Variants in NRXN3 observed in about 807,000 individuals in gnomAD.
NRXN3 encodes the protein neurexin 3, also known as neurexin III.
Under a neutral mutation model 137.6 loss-of-function variants are expected in NRXN3, and 32 were observed. That is an observed-to-expected ratio of 0.23 (90% CI 0.18 to 0.31). NRXN3 has a LOEUF of 0.31. Among genes scored for constraint, NRXN3 ranks in the 10% least tolerant of loss-of-function variants. The pLI, the probability that NRXN3 is intolerant of heterozygous loss-of-function variation, is 1.00. For synonymous variants in NRXN3, 798 were observed against 784.5 expected (o/e 1.02, Z -0.29); for missense variants, 1,574 against 2,062.5 (o/e 0.76, Z 4.59).
At chr14:79,212,096 AC>A (rs1442262453) in intron 15 of NRXN3, among the ~76,000 whole-genome samples, 2 of 152,206 alleles carry the variant, frequency 1.3e-5, no homozygotes, top group African/African-American at 4.8e-5. Flanking sequence ...GGCAAAGGGA[AC>A]AAGTATGATA....
intron 8 of NRXN3, among the ~76,000 whole-genome samples, chr14:78,752,284 G>T (rs1162772446): frequency 6.6e-6 from 1 of 152,144 alleles, no homozygotes; most frequent in East Asian, 1.9e-4. Context: ...GGGTATGGTG[G>T]CACATGCCCA....
chr14:79,731,882 C>T (rs943746886), intron 19 of NRXN3, among the ~76,000 whole-genome samples: 14 of 151,308 alleles, frequency 9.3e-5, no homozygotes, highest in Admixed American at 2.0e-4. Context: ...CTTGACCATC[C>T]GATTTCACTT....
At chr14:78,285,746 G>T (rs1005253021) in intron 3 of NRXN3, among the ~76,000 whole-genome samples, 1 of 152,228 alleles carries the variant, frequency 6.6e-6, no homozygotes, top group African/African-American at 2.4e-5. Flanking sequence ...TTTTATTGGG[G>T]TTCACCCTGA....
intron 16 of NRXN3, among the ~76,000 whole-genome samples, chr14:79,586,398 T>A (rs569296324): frequency 1.3e-5 from 2 of 152,334 alleles, no homozygotes; most frequent in East Asian, 3.9e-4. Context: ...TTTGTTTTTG[T>A]TTTCTTTATT....
intron 15 of NRXN3, among the ~76,000 whole-genome samples, chr14:79,151,580 G>A (rs955049264): frequency 1.1e-4 from 17 of 152,048 alleles, no homozygotes; most frequent in African/African-American, 4.1e-4. Context: ...ATTGCTCAAG[G>A]AGCTGAGATA....
intron 19 of NRXN3, among the ~76,000 whole-genome samples, chr14:79,761,684 CAAAAAAAAAAAAAAA>C (rs10599873): frequency 2.5e-5 from 2 of 78,880 alleles, no homozygotes; most frequent in African/African-American, 5.3e-5. Flanking sequence ...GACTCTGTCT[CAAAAAAAAAAAAAAA>C]AAAAAAAAAA....
At chr14:79,079,967 GAC>G in intron 15 of NRXN3, among the ~76,000 whole-genome samples, 1 of 152,262 alleles carries the variant, frequency 6.6e-6, no homozygotes, top group East Asian at 1.9e-4. Context: ...CAGCCTGGGA[GAC>G]AGAGTGAGAC....
chr14:78,246,352 A>G (rs1360091736), intron 2 of NRXN3, among the ~76,000 whole-genome samples: 1 of 152,154 alleles, frequency 6.6e-6, no homozygotes, highest in Non-Finnish European at 1.5e-5. Context: ...TAATAGCTAA[A>G]TGCAATATGT....
At chr14:78,943,105 A>G (rs2099356302) in intron 10 of NRXN3, among the ~76,000 whole-genome samples, 1 of 152,104 alleles carries the variant, frequency 6.6e-6, no homozygotes, top group Non-Finnish European at 1.5e-5. Flanking sequence ...GGAGCAACAC[A>G]TGTGTAGAGA....
intron 15 of NRXN3, among the ~76,000 whole-genome samples, chr14:79,027,485 G>A (rs964830754): frequency 3.3e-5 from 5 of 152,126 alleles, no homozygotes; most frequent in African/African-American, 1.2e-4. Context: ...TAAAGAATCT[G>A]TTACTTCGAG....
At chr14:79,018,260 CAAAAAAAAAAAAAAAAAAAAAA>C (rs1163466834) in intron 15 of NRXN3, among the ~76,000 whole-genome samples, 29 of 23,146 alleles carry the variant, frequency 1.3e-3, no homozygotes, top group South Asian at 7.9e-3. Flanking sequence ...AACTCTGTCT[CAAAAAAAAAAAAAAAAAAAAAA>C]AAAAAAAAAA....
At chr14:78,328,501 C>T (rs971170252) in intron 4 of NRXN3, among the ~76,000 whole-genome samples, 1 of 152,088 alleles carries the variant, frequency 6.6e-6, no homozygotes, top group Admixed American at 6.6e-5. Context: ...AAAAATGAAA[C>T]AAGAGCTTGT....
chr14:78,453,213 A>G (rs1353266650), intron 4 of NRXN3, among the ~76,000 whole-genome samples: 1 of 152,204 alleles, frequency 6.6e-6, no homozygotes, highest in Non-Finnish European at 1.5e-5. Context: ...GGGCATTGAT[A>G]GTGTTTAAAG....
chr14:79,063,015 G>A (rs2099676118), intron 15 of NRXN3, among the ~76,000 whole-genome samples: 1 of 152,114 alleles, frequency 6.6e-6, no homozygotes, highest in South Asian at 2.1e-4. Context: ...GATAATTTAG[G>A]TGAATGTTAG....
At chr14:79,616,057 C>A (rs1450937209) in intron 16 of NRXN3, among the ~76,000 whole-genome samples, 1 of 152,074 alleles carries the variant, frequency 6.6e-6, no homozygotes, top group Non-Finnish European at 1.5e-5. Flanking sequence ...CATTGAGAGT[C>A]ATACTAGTCA....
In NRXN3 at chr14:78,981,255, A is replaced by T. The variant is rs181967366; in HGVS notation, c.3143-6767A>T. ...AGTTTTCCTTGTAAAAAACAAAAAC[A>T]AATCCTTACATCAAGACGTCATCTT... is the stretch of plus-strand genomic sequence containing the variant. On this transcript the variant is annotated intron_variant, in intron 14 of 20. Coordinates refer to ENST00000335750, the MANE Select transcript of NRXN3 (RefSeq NM_001330195.2). Among the ~76,000 whole-genome samples the T allele has an allele frequency of 2.6e-5, 4 of 152,214 alleles. No individual in the cohort carries two copies. The East Asian group carries it at 7.7e-4, about 29-fold the overall frequency.
intron 15 of NRXN3, among the ~76,000 whole-genome samples, chr14:79,390,573 G>C (rs867509841): frequency 3.9e-5 from 6 of 152,068 alleles, no homozygotes; most frequent in Admixed American, 2.0e-4. Flanking sequence ...TAGCAAACTT[G>C]TGCCTCTTTC....
chr14:79,507,900 G>C (rs780856018), intron 16 of NRXN3, among the ~76,000 whole-genome samples: 1 of 152,122 alleles, frequency 6.6e-6, no homozygotes, highest in Non-Finnish European at 1.5e-5. Flanking sequence ...GATTTGTGAT[G>C]TCCTACTGGG....
chr14:78,494,720 G>A (rs900272416), intron 4 of NRXN3, among the ~76,000 whole-genome samples: 2 of 152,108 alleles, frequency 1.3e-5, no homozygotes, highest in Admixed American at 6.6e-5. Flanking sequence ...CTTACTATAT[G>A]TATTTATTAT....
Sources: gnomAD v4.1 joint callset for allele counts (sites outside exome capture counted in the v4.1 genomes callset) on GRCh38, gnomAD v4.1.1 for gene constraint, MANE v1.5 for transcripts, NCBI Gene and HGNC (gene_info 2026-07-23, HGNC 2026-07-21) for gene names.